The following GRIP2 variants were observed in gnomAD, a reference collection of about 807,000 sequenced individuals.
GRIP2 encodes the protein glutamate receptor-interacting protein 2.
GRIP2 carries 58 observed loss-of-function variants against 108.3 expected under a neutral mutation model. That is an observed-to-expected ratio of 0.54 (90% CI 0.43 to 0.67). GRIP2 has a LOEUF of 0.67. Ranked by LOEUF, GRIP2 falls within the 30% of genes least tolerant of loss-of-function variation. GRIP2 has a pLI of 0.00. For missense variants in GRIP2, 1,278 were observed against 1,430.6 expected (o/e 0.89, Z 1.72); for synonymous variants, 586 against 598.2 (o/e 0.98, Z 0.30).
chr3:14,519,374 G>C (rs571012294), intron 9 of GRIP2, among the ~76,000 whole-genome samples: 2 of 152,222 alleles, frequency 1.3e-5, no homozygotes, highest in African/African-American at 4.8e-5. Context: ...ATAGGCCTGG[G>C]CTGTGCCTTG....
chr3:14,555,281 C>A (rs567860555), intron 1 of GRIP2, among the ~76,000 whole-genome samples: 3 of 152,240 alleles, frequency 2.0e-5, no homozygotes, highest in East Asian at 1.9e-4. Flanking sequence ...CCTCCTCCCC[C>A]ACACACAGCG....
Position 14,507,568 on chromosome 3 carries a change from T to C in GRIP2, c.2211A>G (p.Gln737=). 1 of 1,613,596 alleles carries C rather than the reference T, an allele frequency of 6.2e-7. No individual in the cohort carries two copies. Among genetic ancestry groups the C allele is most frequent in the Non-Finnish European group, 8.5e-7 (1 of 1,179,506 alleles). ...GETVTLKIKK[Q]LDRPLLPRKS... is the part of the protein sequence containing the mutation. ...GGATGAAGCGAATCTCACGGTCTAG[T>C]TGCTTCTTGATCTTCAGTGTGACGG... Residue 737 remains glutamine (Q), a synonymous_variant, in exon 18 of 24, where the codon CAA becomes CAG. Transcript: ENST00000621039. The surrounding 1 kb of genome is among the most constrained non-coding windows in gnomAD (Gnocchi z 4.6).
chr3:14,563,795 C>A, the GRIP2 span, among the ~76,000 whole-genome samples: 1 of 152,104 alleles, frequency 6.6e-6, no homozygotes, highest in Non-Finnish European at 1.5e-5. Flanking sequence ...CAGGCAGTGG[C>A]CACTTTTTAA....
intron 12 of GRIP2, among the ~76,000 whole-genome samples, chr3:14,514,014 TGGGGA>T (rs1694175504): frequency 2.0e-5 from 3 of 152,194 alleles, no homozygotes; most frequent in African/African-American, 4.8e-5. Context: ...GTCTGTCCAA[TGGGGA>T]TGATGGCATG....
At position 14,524,518 on chromosome 3, in the gene GRIP2, C is replaced by G; in HGVS notation, c.278G>C (p.Gly93Ala). Residue 93 changes from glycine (G) to alanine (A), a missense_variant, in exon 4 of 24, where the codon GGT becomes GCT. Gly to Ala is a moderately conservative substitution (Grantham distance 60). Transcript: ENST00000621039. The stretch of plus-strand genomic sequence containing the variant: ...CCCGTTCACAGACCGAATATAGTCA[C>G]CAATGTTCAGCAGATCACTCCTAGA... ...LAARSDLLNI[G>A]DYIRSVNGIH... 6.4e-7 allele frequency: 1 copy of G among 1,554,230 alleles called. No individual in the cohort carries two copies. The highest frequency in any genetic ancestry group is 8.7e-7 in the Non-Finnish European group (1 of 1,148,428).
rs1694443490 is a variant in GRIP2 at position 14,522,596 on chromosome 3, G to C, written c.566+404C>G. 5.8e-6 allele frequency: 1 copy of C among 173,094 alleles called. No individual in the cohort carries two copies. The highest frequency in any genetic ancestry group is 2.4e-5 in the African/African-American group (1 of 41,828). The allele number at this position is 173,094 out of a possible 1,614,324, so 10.7% of individuals were successfully genotyped here. On this transcript the variant is annotated intron_variant, in intron 6 of 23. Transcript: ENST00000621039. This position sits in a 1 kb window ranked among gnomAD's most constrained non-coding sequence, Gnocchi z 4.3. Reference sequence around the variant, plus strand: ...CTGGGCTGGGCCCAGGCGGGGCCGAGCTGGGTCGATCAGCCAGGACCCAGG... The same window carrying C: ...CTGGGCTGGGCCCAGGCGGGGCCGACCTGGGTCGATCAGCCAGGACCCAGG...
chr3:14,571,121 C>A, the GRIP2 span, among the ~76,000 whole-genome samples: 1 of 152,136 alleles, frequency 6.6e-6, no homozygotes, highest in East Asian at 1.9e-4. Context: ...AAAAAAATCA[C>A]CCCCTGTTGA....
chr3:14,597,797 C>T, the GRIP2 span, among the ~76,000 whole-genome samples: 3 of 151,882 alleles, frequency 2.0e-5, no homozygotes, highest in East Asian at 1.9e-4. Flanking sequence ...GTGGGGGTTG[C>T]GGGGGGCAAT....
At chr3:14,518,330 G>A (rs575066464) in intron 9 of GRIP2, among the ~76,000 whole-genome samples, 5 of 152,270 alleles carry the variant, frequency 3.3e-5, no homozygotes, top group Admixed American at 2.0e-4. Flanking sequence ...AGGCAGCCTC[G>A]GCCAGTGGCT....
chr3:14,520,319 C>T (rs748736812), intron 8 of GRIP2, 40 bp from the exon 9 acceptor site: 1 of 1,611,210 alleles, frequency 6.2e-7, no homozygotes, highest in Admixed American at 1.7e-5. Context: ...CTGGTCCAGG[C>T]CAGACAAAGC....
chr3:14,598,718 T>G, the GRIP2 span, among the ~76,000 whole-genome samples: 2 of 152,196 alleles, frequency 1.3e-5, no homozygotes, highest in African/African-American at 4.8e-5. Flanking sequence ...TACACTGATC[T>G]GACTTTCCAT....
the GRIP2 span, among the ~76,000 whole-genome samples, chr3:14,587,748 T>C: frequency 6.6e-6 from 1 of 152,116 alleles, no homozygotes; most frequent in South Asian, 2.1e-4. Context: ...TTTGGTAGGA[T>C]TGTGGCCTCT....
At chr3:14,586,551 G>A in the GRIP2 span, among the ~76,000 whole-genome samples, 73,117 of 151,972 alleles carry the variant, frequency 0.48, 18,176 homozygotes, top group East Asian at 0.65. Context: ...GCTGGGGTTA[G>A]GGGCACTTCC....
Position 14,507,499 on chromosome 3 carries a change from C to A in GRIP2, c.2218+62G>T. ...GTGAGGGTGTGCAGGCAAAGCCTGG[C>A]ACAGAGGGATTGCCCTTCCTAAACC... On this transcript the variant is annotated intron_variant, in intron 18 of 23. Transcript: ENST00000621039. This position sits in a 1 kb window ranked among gnomAD's most constrained non-coding sequence, Gnocchi z 4.6. 1 of 1,590,738 alleles carries A rather than the reference C, an allele frequency of 6.3e-7. No homozygotes were observed. The highest frequency in any genetic ancestry group is 8.6e-7 in the Non-Finnish European group (1 of 1,161,576).
the GRIP2 span, among the ~76,000 whole-genome samples, chr3:14,596,455 C>T: frequency 6.6e-6 from 1 of 152,112 alleles, no homozygotes; most frequent in African/African-American, 2.4e-5. Context: ...AACCAGAAAC[C>T]CATAAGGCCC....
upstream of GRIP2, chr3:14,541,779 G>T: frequency 1.2e-6 from 1 of 848,490 alleles, no homozygotes. Flanking sequence ...CAGCCACAGG[G>T]TGGGTGGTGA....
intron 21 of GRIP2, among the ~76,000 whole-genome samples, chr3:14,502,532 T>C (rs1288122792): frequency 6.7e-6 from 1 of 150,010 alleles, no homozygotes; most frequent in African/African-American, 2.5e-5. Context: ...AATAACCAAA[T>C]TGGAAAAAAA....
intron 1 of GRIP2, among the ~76,000 whole-genome samples, chr3:14,539,956 C>T (rs758093336): frequency 1.2e-4 from 18 of 152,160 alleles, no homozygotes; most frequent in African/African-American, 2.9e-4. Flanking sequence ...CAAAAGGCTT[C>T]GCTCACACCC....
chr3:14,526,603 A>C (rs1575018057), intron 1 of GRIP2, among the ~76,000 whole-genome samples: 2 of 152,324 alleles, frequency 1.3e-5, no homozygotes, highest in South Asian at 4.1e-4. Context: ...TGTTGTTTCC[A>C]ACAGCTCTCT....
Sources: allele counts gnomAD v4.1 joint callset (sites outside exome capture counted in the v4.1 genomes callset), GRCh38; gene constraint gnomAD v4.1.1; non-coding constraint Gnocchi (gnomAD v3.1); transcripts MANE v1.5; gene names NCBI Gene and HGNC (gene_info 2026-07-23, HGNC 2026-07-21).